Variants in PRDM16 observed in about 807,000 individuals in gnomAD.
PRDM16 encodes the protein histone-lysine N-methyltransferase PRDM16.
PRDM16 carries 23 observed loss-of-function variants against 110.6 expected under a neutral mutation model. The ratio of observed to expected loss-of-function variants is 0.21; its 90% CI spans 0.15 to 0.29. PRDM16 has a LOEUF of 0.29. Ranked by LOEUF, PRDM16 falls within the 10% of genes least tolerant of loss-of-function variation. PRDM16 has a pLI of 1.00. For missense variants in PRDM16, 1,615 were observed against 1,794.3 expected (o/e 0.90, Z 1.81); for synonymous variants, 799 against 781.8 (o/e 1.02, Z -0.37).
rs1485765205 is a variant in PRDM16, at chr1:3,426,127, C to T, written c.3186C>T (p.His1062=). 5.6e-6 allele frequency: 9 copies of T among 1,613,894 alleles called. No homozygotes were observed. Among genetic ancestry groups the T allele is most frequent in the African/African-American group, 1.3e-5 (1 of 74,926 alleles). Reference sequence around the variant, plus strand: ...CTCCCACCTCAGAGTCGGACAACCACGCACTTTTAGACGAGAAAGAAGACT... The same window carrying T: ...CTCCCACCTCAGAGTCGGACAACCATGCACTTTTAGACGAGAAAGAAGACT... The part of the protein sequence containing the change: ...ASSPTSESDN[H]ALLDEKEDSY... Residue 1062 remains histidine (H), a synonymous_variant, in exon 14 of 17, where the codon CAC becomes CAT. Coordinates refer to ENST00000270722, the MANE Select transcript of PRDM16 (RefSeq NM_022114.4).
rs1644230520 is a variant in PRDM16, at chr1:3,183,159, C to G, written c.38-2966C>G. ...AGAGAGTGCCTGCTGGAAATGCACA[C>G]CTGTGTCACAGAGGCCTGGGTGGTA... On this transcript the variant is annotated intron_variant, in intron 1 of 16. Transcript: ENST00000270722. Among the ~76,000 whole-genome samples, 4 of 152,212 alleles carry G rather than the reference C, an allele frequency of 2.6e-5. No individual in the cohort carries two copies. In the South Asian group the frequency reaches 8.3e-4, roughly 32 times the overall value.
chr1:3,429,008 C>A (rs1403882122), intron 14 of PRDM16, among the ~76,000 whole-genome samples: 2 of 152,202 alleles, frequency 1.3e-5, no homozygotes, highest in Non-Finnish European at 2.9e-5. Context: ...CAAAGGTCAC[C>A]AAGGATGGCC....
intron 2 of PRDM16, among the ~76,000 whole-genome samples, chr1:3,192,887 GT>G: frequency 6.6e-6 from 1 of 152,312 alleles, no homozygotes; most frequent in Non-Finnish European, 1.5e-5. Flanking sequence ...CTCCCTGCAG[GT>G]TTGTTGGAAA....
chr1:3,371,566 C>A (rs535562951), intron 3 of PRDM16, among the ~76,000 whole-genome samples: 192 of 152,044 alleles, frequency 1.3e-3, no homozygotes, highest in Middle Eastern at 3.4e-3. Flanking sequence ...CATCCACCCA[C>A]CCACTCACCC....
chr1:3,111,073 G>C (rs1026227147), intron 1 of PRDM16, among the ~76,000 whole-genome samples: 2 of 152,124 alleles, frequency 1.3e-5, no homozygotes, highest in African/African-American at 2.4e-5. Flanking sequence ...TGTGAGATGG[G>C]GAAGCTGGAG....
chr1:3,378,449 C>T (rs1643034197), intron 3 of PRDM16, among the ~76,000 whole-genome samples: 1 of 152,166 alleles, frequency 6.6e-6, no homozygotes, highest in Non-Finnish European at 1.5e-5. Context: ...GGGGACCCTC[C>T]CTCTGGTCCT....
chr1:3,282,650 A>G (rs2100330449), intron 3 of PRDM16, among the ~76,000 whole-genome samples: 1 of 151,350 alleles, frequency 6.6e-6, no homozygotes, highest in South Asian at 2.1e-4. Flanking sequence ...TCTGGAAAAA[A>G]CTCGCCAAGA....
chr1:3,406,434 C>T (rs112107058), intron 8 of PRDM16, among the ~76,000 whole-genome samples: 1,654 of 152,022 alleles, frequency 0.011, 32 homozygotes, highest in African/African-American at 0.037. Flanking sequence ...AGTGAGTGAG[C>T]GGAGTGAGAA....
chr1:3,171,261 C>G (rs569844003), intron 1 of PRDM16, among the ~76,000 whole-genome samples: 3 of 152,200 alleles, frequency 2.0e-5, no homozygotes, highest in South Asian at 4.1e-4. Flanking sequence ...TGGTGGCGGT[C>G]GGCTGTTACG....
At chr1:3,352,422 C>T (rs772398622) in intron 3 of PRDM16, among the ~76,000 whole-genome samples, 10 of 152,216 alleles carry the variant, frequency 6.6e-5, no homozygotes, top group Admixed American at 6.5e-5. Context: ...GCCGGCGCCC[C>T]CCTTGCTGCC....
At chr1:3,319,082 A>AT (rs1221888601) in intron 3 of PRDM16, among the ~76,000 whole-genome samples, 2 of 151,958 alleles carry the variant, frequency 1.3e-5, no homozygotes, top group African/African-American at 4.8e-5. Flanking sequence ...CAGGAGGAGA[A>AT]TTTTTTTTCA....
Position 3,078,761 on chromosome 1 carries a change from T to C in PRDM16, c.37+9465T>C, listed in dbSNP as rs72846023. On this transcript the variant is annotated intron_variant, in intron 1 of 16. Transcript: ENST00000270722. ...ACGGGCTCTGAATGTGACTGGGAGC[T>C]CTTGCCCGTGACATGGTTGAATCCC... Among the ~76,000 whole-genome samples the C allele has an allele frequency of 4.9e-3, 752 of 152,266 alleles. 4 individuals carry two copies. Among genetic ancestry groups the C allele is most frequent in the African/African-American group, 0.017 (725 of 41,546 alleles).
intron 1 of PRDM16, among the ~76,000 whole-genome samples, chr1:3,128,880 G>A (rs916066638): frequency 2.6e-5 from 4 of 152,224 alleles, no homozygotes; most frequent in South Asian, 2.1e-4. Context: ...CACCAGTCCT[G>A]GGGAGCCTGC....
chr1:3,364,809 GC>G (rs1215850195), intron 3 of PRDM16, among the ~76,000 whole-genome samples: 1 of 152,222 alleles, frequency 6.6e-6, no homozygotes, highest in African/African-American at 2.4e-5. Flanking sequence ...TCAGCCAGGT[GC>G]CCCGAGCAGG....
At chr1:3,388,779 A>C (rs1285766835) in intron 4 of PRDM16, among the ~76,000 whole-genome samples, 1 of 152,194 alleles carries the variant, frequency 6.6e-6, no homozygotes, top group Non-Finnish European at 1.5e-5. Flanking sequence ...CCCACACTTT[A>C]GGGGCACTTT....
chr1:3,398,350 A>G (rs2100633721), intron 5 of PRDM16, among the ~76,000 whole-genome samples: 1 of 152,342 alleles, frequency 6.6e-6, no homozygotes. Context: ...TAATAGCCCA[A>G]CATCAAATAT....
At chr1:3,217,046 C>T (rs1351250495) in intron 2 of PRDM16, among the ~76,000 whole-genome samples, 1 of 152,256 alleles carries the variant, frequency 6.6e-6, no homozygotes, top group Non-Finnish European at 1.5e-5. Context: ...AAACGGCACC[C>T]TCTGTGTGGA....
In PRDM16 at chr1:3,180,928, G is replaced by A. The variant is rs542609254; in HGVS notation, c.38-5197G>A. Among the ~76,000 whole-genome samples, 83 of 147,256 alleles carry A rather than the reference G, an allele frequency of 5.6e-4. 1 individual carries two copies. The East Asian group carries it at 0.012, about 21-fold the overall frequency. ...CAGTCTTACACGCAGCCTTACACAC[G>A]CAGCCACACACGCAGCCTTACACAC... On this transcript the variant is annotated intron_variant, in intron 1 of 16. Transcript: ENST00000270722.
intron 1 of PRDM16, among the ~76,000 whole-genome samples, chr1:3,088,901 G>A (rs59076512): frequency 1.3e-5 from 2 of 152,044 alleles, no homozygotes; most frequent in South Asian, 4.1e-4. Context: ...TTCTGCCTCA[G>A]CCTCCTGAGT....
Sources: allele counts gnomAD v4.1 joint callset (sites outside exome capture counted in the v4.1 genomes callset), GRCh38; gene constraint gnomAD v4.1.1; transcripts MANE v1.5; gene names NCBI Gene and HGNC (gene_info 2026-07-23, HGNC 2026-07-21).